LHFPL2: variants seen among roughly 807,000 people sequenced by gnomAD.
LHFPL2 encodes LHFPL tetraspan subfamily member 2.
LHFPL2 carries 7 observed loss-of-function variants against 17.5 expected under a neutral mutation model. The observed-to-expected ratio is 0.40, with a 90% CI of 0.23 to 0.75. The LOEUF is 0.75. Among genes scored for constraint, LHFPL2 ranks in the 30% least tolerant of loss-of-function variants. LHFPL2 has a pLI of 0.37. For synonymous variants in LHFPL2, 134 were observed against 116.2 expected (o/e 1.15, Z -0.99); for missense variants, 241 against 294.8 (o/e 0.82, Z 1.34).
At chr5:78,582,262 G>C (rs1009621639) in intron 2 of LHFPL2, among the ~76,000 whole-genome samples, 5 of 151,776 alleles carry the variant, frequency 3.3e-5, no homozygotes, top group African/African-American at 1.2e-4. Flanking sequence ...ATTTTTTGAA[G>C]GTTTTTTTGT....
chr5:78,574,080 C>A (rs17389148), intron 2 of LHFPL2, among the ~76,000 whole-genome samples: 60,219 of 152,058 alleles, frequency 0.4, 12,334 homozygotes, highest in Middle Eastern at 0.49. Flanking sequence ...TCTCCCAATT[C>A]CCAAAGAGGA....
At chr5:78,535,126 G>A (rs1390145285) in intron 3 of LHFPL2, among the ~76,000 whole-genome samples, 1 of 152,180 alleles carries the variant, frequency 6.6e-6, no homozygotes, top group Admixed American at 6.5e-5. Context: ...AATCCCACAA[G>A]AGGAAATGAG....
At chr5:78,614,039 C>G (rs115863579) in intron 2 of LHFPL2, among the ~76,000 whole-genome samples, 15 of 152,162 alleles carry the variant, frequency 9.9e-5, no homozygotes, top group Non-Finnish European at 1.6e-4. Context: ...GAGTACCCTA[C>G]GGCAGCTGAT....
intron 3 of LHFPL2, among the ~76,000 whole-genome samples, chr5:78,541,597 C>T (rs1049366002): frequency 4.6e-5 from 7 of 152,122 alleles, no homozygotes; most frequent in African/African-American, 1.7e-4. Context: ...GGTGGGGGTC[C>T]CTTTCATAAA....
chr5:78,537,104 C>T lies in LHFPL2; in HGVS notation c.-185-26706G>A, dbSNP rs565669462. ...AATCTGCATTTCACATTCACAGGCA[C>T]ATTAAAGTTTAAGAAGCGCTGCTCT... is the stretch of plus-strand genomic sequence containing the variant. On this transcript the variant is annotated intron_variant, in intron 3 of 4. Coordinates refer to ENST00000380345, the MANE Select transcript of LHFPL2 (RefSeq NM_005779.3). Among the ~76,000 whole-genome samples, 4 of 152,232 alleles carry T rather than the reference C, an allele frequency of 2.6e-5. No homozygotes were observed. The South Asian group carries it at 8.3e-4, about 32-fold the overall frequency.
At chr5:78,572,067 T>A (rs368535078) in intron 2 of LHFPL2, among the ~76,000 whole-genome samples, 1 of 151,992 alleles carries the variant, frequency 6.6e-6, no homozygotes. Context: ...TCAGACGAGA[T>A]AGGGAGGACA....
chr5:78,558,506 A>G (rs1266668386), intron 3 of LHFPL2, among the ~76,000 whole-genome samples: 1 of 137,678 alleles, frequency 7.3e-6, no homozygotes, highest in Non-Finnish European at 1.6e-5. Context: ...ATCACAACAA[A>G]ACTATACATT....
intron 1 of LHFPL2, among the ~76,000 whole-genome samples, chr5:78,641,748 T>C (rs992160116): frequency 6.6e-6 from 1 of 152,240 alleles, no homozygotes; most frequent in African/African-American, 2.4e-5. Flanking sequence ...TCTCCTGATC[T>C]AGCTGATTAA....
In LHFPL2 at chr5:78,575,991, G is replaced by C. The variant is rs375454629; in HGVS notation, c.-244-11120C>G. Among the ~76,000 whole-genome samples the C allele has an allele frequency of 7.9e-5, 12 of 152,284 alleles. No individual in the cohort carries two copies. In the South Asian group the frequency reaches 1.2e-3, roughly 16 times the overall value. Reference sequence around the variant, plus strand: ...TTACAGGGATGAGCCACTGTGCCCAGCCAAAATATGTAAGATAAATCTGGC... The same window carrying C: ...TTACAGGGATGAGCCACTGTGCCCACCCAAAATATGTAAGATAAATCTGGC... On this transcript the variant is annotated intron_variant, in intron 2 of 4. Coordinates refer to ENST00000380345, the MANE Select transcript of LHFPL2 (RefSeq NM_005779.3).
intron 2 of LHFPL2, among the ~76,000 whole-genome samples, chr5:78,628,380 T>G (rs1489438126): frequency 6.6e-6 from 1 of 152,214 alleles, no homozygotes; most frequent in Non-Finnish European, 1.5e-5. Flanking sequence ...GATTAGTAAT[T>G]GCTGGCTTCT....
rs1051040972 is a variant in LHFPL2, at chr5:78,537,062, C to A, written c.-185-26664G>T. Among the ~76,000 whole-genome samples the A allele has an allele frequency of 3.3e-5, 5 of 152,234 alleles. 1 individual carries two copies. In the South Asian group the frequency reaches 1.0e-3, roughly 31 times the overall value. On this transcript the variant is annotated intron_variant, in intron 3 of 4. Coordinates refer to ENST00000380345, the MANE Select transcript of LHFPL2 (RefSeq NM_005779.3). Reference sequence around the variant, plus strand: ...AACTGTGGAAGTTCAGACCCCAACCCAGACCCACTGAATCGGAATCTGCAT... The same window carrying A: ...AACTGTGGAAGTTCAGACCCCAACCAAGACCCACTGAATCGGAATCTGCAT...
At chr5:78,549,607 C>T (rs1756380913) in intron 3 of LHFPL2, among the ~76,000 whole-genome samples, 1 of 152,150 alleles carries the variant, frequency 6.6e-6, no homozygotes, top group African/African-American at 2.4e-5. Flanking sequence ...CTGAGTAGCC[C>T]TCCAATAACA....
chr5:78,619,542 G>A (rs1561368227), intron 2 of LHFPL2, among the ~76,000 whole-genome samples: 2 of 147,412 alleles, frequency 1.4e-5, no homozygotes, highest in South Asian at 4.3e-4. Context: ...GGGTACATGT[G>A]CACAATGTGC....
intron 3 of LHFPL2, among the ~76,000 whole-genome samples, chr5:78,562,412 A>C (rs867272939): frequency 6.6e-6 from 1 of 152,134 alleles, no homozygotes; most frequent in Non-Finnish European, 1.5e-5. Flanking sequence ...AAGTTCATAT[A>C]ATGCGACTGA....
chr5:78,566,083 A>G (rs1381602642), intron 2 of LHFPL2, among the ~76,000 whole-genome samples: 1 of 152,256 alleles, frequency 6.6e-6, no homozygotes, highest in African/African-American at 2.4e-5. Context: ...GTAATTCCAC[A>G]TAAGGTAAAT....
intron 2 of LHFPL2, among the ~76,000 whole-genome samples, chr5:78,627,237 G>A (rs1008602139): frequency 6.6e-6 from 1 of 152,128 alleles, no homozygotes; most frequent in African/African-American, 2.4e-5. Context: ...GACTCCTGAC[G>A]AGGCAGTGGA....
rs920666004 is a variant in LHFPL2, at chr5:78,487,903, C to A, written c.*994G>T. The A allele has an allele frequency of 4.6e-5, 7 of 152,220 alleles. No homozygotes were observed. The highest frequency in any genetic ancestry group is 1.2e-4 in the African/African-American group (5 of 41,458). 9.4% of individuals were successfully genotyped at this position (152,220 alleles called of 1,614,324 possible). Reference sequence around the variant, plus strand: ...TTTGTTGTAGAATGCCATTCTGCTACTGTCGGGATTGGAAATAGAGCTGAC... The same window carrying A: ...TTTGTTGTAGAATGCCATTCTGCTAATGTCGGGATTGGAAATAGAGCTGAC... On this transcript the variant is annotated 3_prime_UTR_variant, in exon 5 of 5. Transcript: ENST00000380345.
At chr5:78,552,614 G>T (rs1007062819) in intron 3 of LHFPL2, among the ~76,000 whole-genome samples, 1 of 152,176 alleles carries the variant, frequency 6.6e-6, no homozygotes, top group Non-Finnish European at 1.5e-5. Context: ...TGCTCCTCTG[G>T]CACGGCCAAA....
intron 2 of LHFPL2, among the ~76,000 whole-genome samples, chr5:78,616,373 C>T (rs553742637): frequency 1.6e-4 from 24 of 152,178 alleles, no homozygotes; most frequent in African/African-American, 2.4e-4. Context: ...GTGATCCAGC[C>T]GCCTCGCCCT....
Sources: gnomAD v4.1 joint callset for allele counts (sites outside exome capture counted in the v4.1 genomes callset) on GRCh38, gnomAD v4.1.1 for gene constraint, MANE v1.5 for transcripts, NCBI Gene and HGNC (gene_info 2026-07-23, HGNC 2026-07-21) for gene names.